The following ADISSP variants were observed in gnomAD, a reference collection of about 807,000 sequenced individuals.
The protein encoded by ADISSP is adipose secreted signaling protein.
chr20:3,755,575 C>A, the ADISSP span: 1 of 1,611,106 alleles, frequency 6.2e-7, no homozygotes, highest in Non-Finnish European at 8.5e-7. Context: ...TGAAGGTAAT[C>A]TCATACCTGT....
At chr20:3,759,557 A>C in the ADISSP span, among the ~76,000 whole-genome samples, 2 of 151,964 alleles carry the variant, frequency 1.3e-5, no homozygotes, top group Admixed American at 6.6e-5. This position sits in a 1 kb window ranked among gnomAD's most constrained non-coding sequence, Gnocchi z 4.6. Context: ...TCTTGGCGGG[A>C]GGACCTGATC....
At chr20:3,758,399 C>T in the ADISSP span, 16 of 718,106 alleles carry the variant, frequency 2.2e-5, 1 homozygote, top group African/African-American at 3.5e-5. This position sits in a 1 kb window ranked among gnomAD's most constrained non-coding sequence, Gnocchi z 5.5. Flanking sequence ...TCCCATCTGA[C>T]AGATGGGGCA....
chr20:3,756,421 G>A, the ADISSP span, among the ~76,000 whole-genome samples: 2 of 151,766 alleles, frequency 1.3e-5, no homozygotes, highest in South Asian at 4.2e-4. Flanking sequence ...GGTGGTTGCT[G>A]AGCAGGGGGG....
At chr20:3,763,063 C>T in the ADISSP span, among the ~76,000 whole-genome samples, 1 of 152,120 alleles carries the variant, frequency 6.6e-6, no homozygotes, top group African/African-American at 2.4e-5. Flanking sequence ...TGGGACCAGC[C>T]TGGCCAACAT....
At chr20:3,761,350 T>C in the ADISSP span, among the ~76,000 whole-genome samples, 1 of 151,392 alleles carries the variant, frequency 6.6e-6, no homozygotes, top group Admixed American at 6.6e-5. Context: ...TTTTTTTTTT[T>C]CTGAGACGGA....
At chr20:3,760,146 C>G in the ADISSP span, 1 of 1,484,444 alleles carries the variant, frequency 6.7e-7, no homozygotes, top group Non-Finnish European at 9.3e-7. Flanking sequence ...CCGCCACTCA[C>G]GCTCAGCAGC....
chr20:3,764,267 C>T, the ADISSP span, among the ~76,000 whole-genome samples: 1 of 152,212 alleles, frequency 6.6e-6, no homozygotes, highest in Non-Finnish European at 1.5e-5. Context: ...GCAGTGACAG[C>T]CCAGTGTCCT....
the ADISSP span, among the ~76,000 whole-genome samples, chr20:3,761,903 G>A: frequency 6.6e-6 from 1 of 152,236 alleles, no homozygotes; most frequent in Non-Finnish European, 1.5e-5. Context: ...GACTCCATGA[G>A]AAAGCAATGA....
the ADISSP span, among the ~76,000 whole-genome samples, chr20:3,759,106 G>A: frequency 6.6e-6 from 1 of 152,188 alleles, no homozygotes; most frequent in Admixed American, 6.5e-5. The surrounding 1 kb of genome is among the most constrained non-coding windows in gnomAD (Gnocchi z 4.6). Flanking sequence ...GTCAGTGCAT[G>A]AGGCCCCTGC....
the ADISSP span, chr20:3,754,628 C>G: frequency 8.5e-7 from 1 of 1,180,870 alleles, no homozygotes; most frequent in Admixed American, 1.8e-5. Flanking sequence ...CATGCTAAGC[C>G]CCCCCAAGAA....
the ADISSP span, chr20:3,754,499 A>G: frequency 1.2e-6 from 2 of 1,613,792 alleles, no homozygotes; most frequent in Non-Finnish European, 1.7e-6. Context: ...TGCGCCGAGT[A>G]CTCACACTTG....
At chr20:3,759,453 T>C in the ADISSP span, among the ~76,000 whole-genome samples, 12 of 152,210 alleles carry the variant, frequency 7.9e-5, no homozygotes, top group Non-Finnish European at 1.8e-4. The surrounding 1 kb of genome is among the most constrained non-coding windows in gnomAD (Gnocchi z 4.6). Flanking sequence ...CTGGACTGGA[T>C]GAATGCTCAG....
the ADISSP span, chr20:3,755,508 G>A: frequency 6.2e-7 from 1 of 1,612,986 alleles, no homozygotes; most frequent in African/African-American, 1.3e-5. Flanking sequence ...TTGAGGTGCA[G>A]GCTGGGGACA....
At chr20:3,762,967 T>TG in the ADISSP span, among the ~76,000 whole-genome samples, 2 of 151,934 alleles carry the variant, frequency 1.3e-5, no homozygotes, top group African/African-American at 4.8e-5. Flanking sequence ...GAAGACATTT[T>TG]GGGGGGTGCC....
At chr20:3,760,352 C>T in the ADISSP span, among the ~76,000 whole-genome samples, 3 of 152,284 alleles carry the variant, frequency 2.0e-5, no homozygotes, top group East Asian at 3.9e-4. Flanking sequence ...CACCCTCTAC[C>T]GACTGCCCAC....
chr20:3,754,436 C>T, the ADISSP span: 2 of 1,614,036 alleles, frequency 1.2e-6, no homozygotes, highest in Admixed American at 1.7e-5. Flanking sequence ...ACACAGGTGC[C>T]AGTGCCACCT....
the ADISSP span, chr20:3,754,491 C>A: frequency 6.2e-7 from 1 of 1,613,990 alleles, no homozygotes; most frequent in East Asian, 2.2e-5. Flanking sequence ...CCTCTTTGTG[C>A]GCCGAGTACT....
chr20:3,763,865 A>G, the ADISSP span, among the ~76,000 whole-genome samples: 2 of 152,070 alleles, frequency 1.3e-5, no homozygotes, highest in East Asian at 3.9e-4. Context: ...CCCACTTCTC[A>G]ATGTGGGCAA....
At chr20:3,754,367 C>G in the ADISSP span, 1 of 1,605,242 alleles carries the variant, frequency 6.2e-7, no homozygotes, top group Non-Finnish European at 8.5e-7. Context: ...TTGTGCATCC[C>G]TCCTCCAACC....
Sources: allele counts gnomAD v4.1 joint callset (sites outside exome capture counted in the v4.1 genomes callset), GRCh38; gene constraint gnomAD v4.1.1; non-coding constraint Gnocchi (gnomAD v3.1); transcripts MANE v1.5; gene names NCBI Gene and HGNC (gene_info 2026-07-23, HGNC 2026-07-21).